The following PCDHGA4 variants were observed in gnomAD, a reference collection of about 807,000 sequenced individuals.
PCDHGA4 encodes the protein protocadherin gamma-A4.
PCDHGA4 carries 38 observed loss-of-function variants against 54.6 expected under a neutral mutation model. That is an observed-to-expected ratio of 0.70 (90% CI 0.54 to 0.91). PCDHGA4 has a LOEUF of 0.91. PCDHGA4 is among the 40% of genes least tolerant of loss of function. The pLI, the probability that PCDHGA4 is intolerant of heterozygous loss-of-function variation, is 0.00. For missense variants in PCDHGA4, 1,298 were observed against 1,220.9 expected (o/e 1.06, Z -0.94); for synonymous variants, 511 against 512.9 (o/e 1.00, Z 0.05).
At chr5:141,500,809 A>G (rs1018522111) in intron 2 of PCDHGA4, among the ~76,000 whole-genome samples, 1 of 152,324 alleles carries the variant, frequency 6.6e-6, no homozygotes, top group African/African-American at 2.4e-5. Context: ...CCTCATATGA[A>G]TATACATATT....
At chr5:141,410,192 T>G (rs748013890) in intron 1 of PCDHGA4, 1 of 1,613,980 alleles carries the variant, frequency 6.2e-7, no homozygotes, top group Non-Finnish European at 8.5e-7. Context: ...TCATCTGGTC[T>G]TCGCAGACAA....
rs368940925 is a variant in PCDHGA4, at chr5:141,360,407, A to G, written c.2514+2786A>G. On this transcript the variant is annotated intron_variant, in intron 1 of 3. Transcript: ENST00000571252. ...GACTTACTTGTGAGTGACAGAATAG[A>G]CCGAGAACAGATATGCGGGAAGCAG... is the stretch of plus-strand genomic sequence containing the variant. 1.3e-4 allele frequency: 215 copies of G among 1,613,834 alleles called. No individual in the cohort carries two copies. Among genetic ancestry groups the G allele is most frequent in the Non-Finnish European group, 1.7e-4 (205 of 1,179,876 alleles).
In PCDHGA4 at chr5:141,361,700, A is replaced by C; in HGVS notation, c.2514+4079A>C. The C allele has an allele frequency of 3.1e-6, 5 of 1,613,456 alleles. No individual in the cohort carries two copies. Among genetic ancestry groups the C allele is most frequent in the Non-Finnish European group, 4.2e-6 (5 of 1,179,872 alleles). On this transcript the variant is annotated intron_variant, in intron 1 of 3. Transcript: ENST00000571252. ...GTGTTCGCGCAGCGCGCCTTCGATCATGAGCAGCTGCGCGCCTTCGAGCTC... is the reference window on the plus strand; with the variant it reads ...GTGTTCGCGCAGCGCGCCTTCGATCCTGAGCAGCTGCGCGCCTTCGAGCTC...
chr5:141,392,946 G>A, intron 1 of PCDHGA4: 2 of 1,613,940 alleles, frequency 1.2e-6, no homozygotes, highest in Non-Finnish European at 1.7e-6. Context: ...AGGCTCCTTC[G>A]TGGGTAATAT....
Position 141,431,386 on chromosome 5 carries a change from C to A in PCDHGA4, c.2515-63421C>A. The stretch of plus-strand genomic sequence containing the variant: ...ACCGCGAAGAAAAGGCTGCTCACCA[C>A]CTGGTCCTTACGGCCTCCGACGGGG... On this transcript the variant is annotated intron_variant, in intron 1 of 3. Coordinates refer to ENST00000571252, the MANE Select transcript of PCDHGA4 (RefSeq NM_018917.4). The surrounding 1 kb of genome is among the most constrained non-coding windows in gnomAD (Gnocchi z 4.8). The A allele has an allele frequency of 6.2e-7, 1 of 1,613,924 alleles. No individual in the cohort carries two copies. Among genetic ancestry groups the A allele is most frequent in the Non-Finnish European group, 8.5e-7 (1 of 1,180,038 alleles).
At chr5:141,375,095 T>G in intron 1 of PCDHGA4, 1 of 1,613,960 alleles carries the variant, frequency 6.2e-7, no homozygotes. Flanking sequence ...AATAACTATC[T>G]TGGATGTCAA....
At chr5:141,402,946 G>A (rs1012771364) in intron 1 of PCDHGA4, 1 of 1,592,686 alleles carries the variant, frequency 6.3e-7, no homozygotes, top group African/African-American at 1.4e-5. Flanking sequence ...TCCAAAGCGA[G>A]GCAGCAATGG....
At chr5:141,380,146 C>T (rs754635164) in intron 1 of PCDHGA4, among the ~76,000 whole-genome samples, 19 of 151,960 alleles carry the variant, frequency 1.3e-4, no homozygotes, top group African/African-American at 4.1e-4. Flanking sequence ...GTGATCCACC[C>T]GCCTCAGCCT....
intron 1 of PCDHGA4, among the ~76,000 whole-genome samples, chr5:141,402,245 A>G (rs1196349685): frequency 6.6e-6 from 1 of 152,078 alleles, no homozygotes; most frequent in East Asian, 1.9e-4. Flanking sequence ...TTTATCATCA[A>G]AATAAACCCC....
intron 1 of PCDHGA4, among the ~76,000 whole-genome samples, chr5:141,357,949 G>T (rs1020831808): frequency 1.3e-5 from 2 of 152,118 alleles, no homozygotes; most frequent in Non-Finnish European, 2.9e-5. Flanking sequence ...TAACACTTTG[G>T]GAGTGTGAGG....
At chr5:141,413,181 C>T in intron 1 of PCDHGA4, 8 of 1,602,880 alleles carry the variant, frequency 5.0e-6, no homozygotes, top group Non-Finnish European at 6.8e-6. Context: ...CTACAATGGC[C>T]GCTCAAAGGA....
At chr5:141,372,333 C>A (rs376897075) in intron 1 of PCDHGA4, 5 of 1,613,732 alleles carry the variant, frequency 3.1e-6, no homozygotes, top group Non-Finnish European at 4.2e-6. Context: ...GGTCACTGTG[C>A]GTGATGGAGG....
In PCDHGA4 at chr5:141,419,316, G is replaced by A. The variant is rs775328616; in HGVS notation, c.2514+61695G>A. 1.1e-5 allele frequency: 18 copies of A among 1,613,994 alleles called. No individual in the cohort carries two copies. In the South Asian group the frequency reaches 1.8e-4, roughly 16 times the overall value. On this transcript the variant is annotated intron_variant, in intron 1 of 3. Coordinates refer to ENST00000571252, the MANE Select transcript of PCDHGA4 (RefSeq NM_018917.4). ...GACCCAGACTTCGGGCTCAACGGCC[G>A]TGTCTCCTACTCTCTCATTGCCAGC...
chr5:141,356,131 G>C lies in PCDHGA4; in HGVS notation c.1024G>C (p.Asp342His), dbSNP rs1760119360. 1 of 1,613,690 alleles carries C rather than the reference G, an allele frequency of 6.2e-7. No homozygotes were observed. The highest frequency in any genetic ancestry group is 1.3e-5 in the African/African-American group (1 of 74,936). The change falls in exon 1 of 4, where the codon GAC becomes CAC. Residue 342 changes from aspartate to histidine, a missense_variant. Coordinates refer to ENST00000571252, the MANE Select transcript of PCDHGA4 (RefSeq NM_018917.4). Reference sequence around the variant, plus strand: ...AATATTGGGGGGTCTAGATTATGAGGACTCTGGATTCTATGACATAGATGT... The same window carrying C: ...AATATTGGGGGGTCTAGATTATGAGCACTCTGGATTCTATGACATAGATGT... Reference protein sequence around the residue: ...ITILGGLDYEDSGFYDIDVEA... With the variant: ...ITILGGLDYEHSGFYDIDVEA...
rs371490086 is a variant in PCDHGA4 at position 141,405,329 on chromosome 5, G to A, written c.2514+47708G>A. 241 of 1,614,168 alleles carry A rather than the reference G, an allele frequency of 1.5e-4. No individual in the cohort carries two copies. Among genetic ancestry groups the A allele is most frequent in the African/African-American group, 1.1e-3 (80 of 75,034 alleles). The stretch of plus-strand genomic sequence containing the variant: ...CTGTGAGAAAAATGAGCCTTTGTGC[G>A]TCTCTGTTGATTCCAAGTTTCCTAT... On this transcript the variant is annotated intron_variant, in intron 1 of 3. Coordinates refer to ENST00000571252, the MANE Select transcript of PCDHGA4 (RefSeq NM_018917.4).
At chr5:141,470,648 C>T (rs1188305813) in intron 1 of PCDHGA4, among the ~76,000 whole-genome samples, 1 of 152,066 alleles carries the variant, frequency 6.6e-6, no homozygotes, top group Non-Finnish European at 1.5e-5. Context: ...TTTGAAGGCC[C>T]CTACCCTTTG....
At chr5:141,407,497 G>GTTTTTTTTTTTTTTTT (rs1554102286) in intron 1 of PCDHGA4, among the ~76,000 whole-genome samples, 1 of 151,966 alleles carries the variant, frequency 6.6e-6, no homozygotes, top group Non-Finnish European at 1.5e-5. Flanking sequence ...CTTTATTTCT[G>GTTTTTTTTTTTTTTTT]TTTTTCTTAG....
chr5:141,389,379 C>G, intron 1 of PCDHGA4: 1 of 1,613,770 alleles, frequency 6.2e-7, no homozygotes, highest in Non-Finnish European at 8.5e-7. Context: ...GCAGCGGGAG[C>G]TGTCATCCTA....
chr5:141,384,623 T>C (rs906239388), intron 1 of PCDHGA4: 7 of 1,614,092 alleles, frequency 4.3e-6, no homozygotes, highest in African/African-American at 1.3e-5. Flanking sequence ...TCTACTGGCA[T>C]GGAGCTGGCA....
Sources: gnomAD v4.1 joint callset for allele counts (sites outside exome capture counted in the v4.1 genomes callset) on GRCh38, gnomAD v4.1.1 for gene constraint, Gnocchi (gnomAD v3.1) non-coding constraint, MANE v1.5 for transcripts, NCBI Gene and HGNC (gene_info 2026-07-23, HGNC 2026-07-21) for gene names.